PCDHA8: variants seen among roughly 807,000 people sequenced by gnomAD.
The protein encoded by PCDHA8 is protocadherin alpha-8.
Under a neutral mutation model 61.8 loss-of-function variants are expected in PCDHA8, and 53 were observed. The observed-to-expected ratio is 0.86, with a 90% CI of 0.69 to 1.08. The LOEUF is 1.08. PCDHA8 is among the 50% of genes least tolerant of loss of function. The pLI, the probability that PCDHA8 is intolerant of heterozygous loss-of-function variation, is 0.00. For synonymous variants in PCDHA8, 618 were observed against 556.6 expected, an observed-to-expected ratio of 1.11 and a Z score of -1.55; for missense variants, 1,293 against 1,245.0, an observed-to-expected ratio of 1.04 and a Z score of -0.58.
At chr5:140,997,406 C>T (rs2097769706) in intron 3 of PCDHA8, among the ~76,000 whole-genome samples, 1 of 152,094 alleles carries the variant, frequency 6.6e-6, no homozygotes, top group Admixed American at 6.6e-5. Flanking sequence ...TATCGTATGG[C>T]CTATTTCTCC....
intron 1 of PCDHA8, chr5:140,969,583 A>G: frequency 1.1e-6 from 1 of 914,068 alleles, no homozygotes; most frequent in Admixed American, 3.0e-5. Context: ...AGTGAGGATT[A>G]GTCTTAATAT....
intron 1 of PCDHA8, among the ~76,000 whole-genome samples, chr5:140,895,075 A>C (rs1309295177): frequency 6.6e-6 from 1 of 152,102 alleles, no homozygotes; most frequent in Admixed American, 6.5e-5. Flanking sequence ...AATTCCTATC[A>C]GTTCCTCCTC....
chr5:140,967,009 T>G, intron 1 of PCDHA8: 1 of 1,606,176 alleles, frequency 6.2e-7, no homozygotes, highest in Non-Finnish European at 8.5e-7. Flanking sequence ...GCATCAACCA[T>G]CTGGGTGCGC....
chr5:140,929,246 C>T, intron 1 of PCDHA8: 1 of 1,613,738 alleles, frequency 6.2e-7, no homozygotes, highest in Non-Finnish European at 8.5e-7. Context: ...AATCTTGCCA[C>T]TGGGGTAGGA....
rs149795080 is a variant in PCDHA8 at position 140,995,000 on chromosome 5, T to C, written c.2542+12437T>C. Among the ~76,000 whole-genome samples the C allele has an allele frequency of 1.7e-3, 261 of 152,326 alleles. 1 individual carries two copies. The highest frequency in any genetic ancestry group is 6.1e-3 in the African/African-American group (253 of 41,578). ...GAGACCCACTAGAAGGTTAGTTGGTTTGTTTATATTTAGGAAAGAAGATTC... is the reference window on the plus strand; with the variant it reads ...GAGACCCACTAGAAGGTTAGTTGGTCTGTTTATATTTAGGAAAGAAGATTC... On this transcript the variant is annotated intron_variant, in intron 3 of 3. Transcript: ENST00000531613.
Position 140,841,400 on chromosome 5 carries a change from G to T in PCDHA8, c.79G>T (p.Gly27Trp). The change falls in exon 1 of 4, where the codon GGG becomes TGG. Residue 27 changes from glycine to tryptophan, a missense_variant. Physicochemically the swap from Gly to Trp is radical, Grantham distance 184. Transcript: ENST00000531613. ...TCTGCTCCTCGCAGCCTGGAAGGTG[G>T]GGAGCGGCCAGCTCCACTACTCCGT... is the stretch of plus-strand genomic sequence containing the variant. ...LLLLLAAWKVGSGQLHYSVPE... is the reference protein window; with the variant it reads ...LLLLLAAWKVWSGQLHYSVPE... The T allele has an allele frequency of 6.2e-7, 1 of 1,613,214 alleles. No homozygotes were observed. Among genetic ancestry groups the T allele is most frequent in the African/African-American group, 1.3e-5 (1 of 74,958 alleles).
At chr5:140,989,462 G>A (rs531421005) in intron 3 of PCDHA8, among the ~76,000 whole-genome samples, 27 of 152,326 alleles carry the variant, frequency 1.8e-4, no homozygotes, top group Non-Finnish European at 2.9e-4. Context: ...GTTAGGCTTG[G>A]AACTCCTCCT....
At chr5:140,849,879 G>T (rs1554143450) in intron 1 of PCDHA8, 2 of 1,598,636 alleles carry the variant, frequency 1.3e-6, no homozygotes, top group Admixed American at 1.7e-5. Context: ...CGAGTACACG[G>T]TGTTCGTGAA....
chr5:140,925,673 T>TAATAAA (rs2082657999), intron 1 of PCDHA8, among the ~76,000 whole-genome samples: 1 of 146,030 alleles, frequency 6.8e-6, no homozygotes, highest in Non-Finnish European at 1.5e-5. Context: ...ATAATAATAA[T>TAATAAA]AATAAAGCGA....
chr5:140,981,446 T>C (rs1586884316), intron 2 of PCDHA8, among the ~76,000 whole-genome samples: 4 of 152,058 alleles, frequency 2.6e-5, no homozygotes, highest in Admixed American at 1.3e-4. Context: ...TGGTGGCGGG[T>C]GCCTGTAGTC....
intron 3 of PCDHA8, among the ~76,000 whole-genome samples, chr5:140,991,302 T>C (rs2097443703): frequency 6.6e-6 from 1 of 152,204 alleles, no homozygotes; most frequent in African/African-American, 2.4e-5. Flanking sequence ...ATTACTATTA[T>C]CTTGTCCCGC....
In PCDHA8 at chr5:140,841,245, G is replaced by A. The variant is rs1483817095; in HGVS notation, c.-77G>A. On this transcript the variant is annotated 5_prime_UTR_variant, in exon 1 of 4. The change creates a premature stop within an existing upstream ORF in the 5' untranslated region. Coordinates refer to ENST00000531613, the MANE Select transcript of PCDHA8 (RefSeq NM_018911.3). ...AACAACGGGAGATGCAGCGGAATTG[G>A]ATTAAAAGACTCTGAAAGTACAGTC... The A allele has an allele frequency of 1.3e-6, 2 of 1,501,446 alleles. No individual in the cohort carries two copies. The highest frequency in any genetic ancestry group is 1.8e-6 in the Non-Finnish European group (2 of 1,119,330). The allele number at this position is 1,501,446 out of a possible 1,614,324, so 93.0% of individuals were successfully genotyped here.
chr5:140,944,317 A>G (rs2093641596), intron 1 of PCDHA8, among the ~76,000 whole-genome samples: 2 of 152,090 alleles, frequency 1.3e-5, no homozygotes. Flanking sequence ...CCTCCTGAGT[A>G]GCTGGGATTA....
chr5:140,870,352 G>C, intron 1 of PCDHA8: 8 of 1,614,226 alleles, frequency 5.0e-6, no homozygotes, highest in Non-Finnish European at 5.9e-6. Context: ...CCGCGAGAAC[G>C]TGTGGGCCTA....
chr5:140,869,424 G>T (rs2051119407), intron 1 of PCDHA8: 18 of 1,614,216 alleles, frequency 1.1e-5, no homozygotes, highest in Non-Finnish European at 1.5e-5. Context: ...TCCACCTGGA[G>T]GTGATCGTGG....
At chr5:140,985,936 T>C (rs1379150817) in intron 3 of PCDHA8, among the ~76,000 whole-genome samples, 3 of 152,038 alleles carry the variant, frequency 2.0e-5, no homozygotes, top group Non-Finnish European at 2.9e-5. Context: ...AGCCGGGGTT[T>C]CACTGTGTTA....
intron 1 of PCDHA8, chr5:140,929,617 A>C: frequency 2.5e-6 from 1 of 401,992 alleles, no homozygotes; most frequent in Non-Finnish European, 4.5e-6. Context: ...AAATACCAAA[A>C]TATTTTATAA....
At chr5:140,966,950 G>A (rs782713044) in intron 1 of PCDHA8, 3 of 1,603,480 alleles carry the variant, frequency 1.9e-6, no homozygotes, top group Non-Finnish European at 2.5e-6. Flanking sequence ...GGGCAACGTG[G>A]CTCGCGCGCT....
rs782453395 is a variant in PCDHA8 at position 140,875,890 on chromosome 5, G to A, written c.2394+32175G>A. 2.4e-5 allele frequency: 38 copies of A among 1,614,180 alleles called. No homozygotes were observed. The South Asian group carries it at 4.1e-4, about 17-fold the overall frequency. On this transcript the variant is annotated intron_variant, in intron 1 of 3. Coordinates refer to ENST00000531613, the MANE Select transcript of PCDHA8 (RefSeq NM_018911.3). Reference sequence around the variant, plus strand: ...GGTGTTCAGAGAAAGGGAACAAAAGGTACCTGTTTCTGAATCTGCGCCTCT... The same window carrying A: ...GGTGTTCAGAGAAAGGGAACAAAAGATACCTGTTTCTGAATCTGCGCCTCT...
Sources: gnomAD v4.1 joint callset for allele counts (sites outside exome capture counted in the v4.1 genomes callset) on GRCh38, gnomAD v4.1.1 for gene constraint, MANE v1.5 for transcripts, NCBI Gene and HGNC (gene_info 2026-07-23, HGNC 2026-07-21) for gene names.